Variants in ATP2B2 observed in about 807,000 individuals in gnomAD.
The protein encoded by ATP2B2 is plasma membrane calcium-transporting ATPase 2.
In ATP2B2, 15 loss-of-function variants were observed where a neutral mutation model predicts 120.0. The ratio of observed to expected loss-of-function variants is 0.12; its 90% confidence interval spans 0.08 to 0.19. The LOEUF is 0.19. ATP2B2 is among the 10% of genes least tolerant of loss of function. The pLI is 1.00. For missense variants in ATP2B2, 1,045 were observed against 1,719.8 expected (o/e 0.61, Z 6.94); for synonymous variants, 694 against 700.3 (o/e 0.99, Z 0.14).
chr3:10,417,746 C>T (rs1227983809), intron 2 of ATP2B2, among the ~76,000 whole-genome samples: 1 of 152,028 alleles, frequency 6.6e-6, no homozygotes, highest in Admixed American at 6.5e-5. Context: ...GATCGCCTGG[C>T]AGAAGTGTAG....
In ATP2B2 at chr3:10,411,499, C is replaced by T. The variant is rs150746902; in HGVS notation, c.200-684G>A. Among the ~76,000 whole-genome samples the T allele has an allele frequency of 1.2e-4, 19 of 152,294 alleles. No individual in the cohort carries two copies. The East Asian group carries it at 2.3e-3, about 19-fold the overall frequency. On this transcript the variant is annotated intron_variant, in intron 2 of 22. Transcript: ENST00000360273. ...CCGCTCTCCCTCCTGTCGAATGCCG[C>T]GCAGTGGTTAGAGAAGAATCAGAAG... is the stretch of plus-strand genomic sequence containing the variant.
At chr3:10,569,872 G>A (rs2068085849) in intron 2 of ATP2B2, among the ~76,000 whole-genome samples, 1 of 152,172 alleles carries the variant, frequency 6.6e-6, no homozygotes, top group Non-Finnish European at 1.5e-5. Context: ...GGCTCTATTT[G>A]CCTAACACAG....
In ATP2B2 at chr3:10,378,330, T is replaced by C; in HGVS notation, c.1123A>G (p.Lys375Glu). ...AEGGDADDRKKASMHKKEKSV... is the reference protein window; with the variant it reads ...AEGGDADDRKEASMHKKEKSV... ...TTCTCCTTCTTGTGCATGCTGGCCT[T>C]CTTCCTGTCGTCAGCGTCGCCGCCC... The change falls in exon 10 of 23, where the codon AAG becomes GAG. Residue 375 changes from lysine (K) to glutamate (E), a missense_variant. This residue lies in a region of ATP2B2 where 145 missense variants were observed against 202.0 expected (regional missense o/e 0.72). Transcript: ENST00000360273. 6.2e-7 allele frequency: 1 copy of C among 1,609,330 alleles called. No homozygotes were observed. Among genetic ancestry groups the C allele is most frequent in the Non-Finnish European group, 8.5e-7 (1 of 1,180,016 alleles).
intron 2 of ATP2B2, among the ~76,000 whole-genome samples, chr3:10,557,963 G>A (rs2067818016): frequency 1.3e-5 from 2 of 152,176 alleles, no homozygotes; most frequent in Non-Finnish European, 2.9e-5. Flanking sequence ...ATGGTAGCAT[G>A]AAGGCCCCTG....
At chr3:10,435,390 C>T (rs1329669800) in intron 2 of ATP2B2, among the ~76,000 whole-genome samples, 1 of 152,192 alleles carries the variant, frequency 6.6e-6, no homozygotes, top group Non-Finnish European at 1.5e-5. Flanking sequence ...GCTCCTACAT[C>T]TTCCTGGAGG....
chr3:10,393,792 CT>C (rs1375769031), intron 5 of ATP2B2, among the ~76,000 whole-genome samples: 4 of 152,222 alleles, frequency 2.6e-5, no homozygotes, highest in Non-Finnish European at 5.9e-5. Flanking sequence ...GGGGATGTTC[CT>C]TGGTCTCTGA....
At chr3:10,377,135 A>C (rs2061403091) in intron 10 of ATP2B2, among the ~76,000 whole-genome samples, 1 of 152,162 alleles carries the variant, frequency 6.6e-6, no homozygotes, top group Non-Finnish European at 1.5e-5. Context: ...AGGACTTTGA[A>C]GGCCATGGGG....
rs746169153 is a variant in ATP2B2 at position 10,358,867 on chromosome 3, C to A, written c.1960G>T (p.Asp654Tyr). ...TCAATCACCTTCTTTACCATCTCGT[C>A]CCGGTCGCGGGGCCGGAAGACACGA... ...EPRVFRPRDR[D>Y]EMVKKVIEPM... Residue 654 changes from aspartate to tyrosine, a missense_variant, in exon 14 of 23, where the codon GAC becomes TAC. Around this residue, in one of 11 missense-constraint regions of ATP2B2, gnomAD observed 343 missense variants for 536.8 expected, o/e 0.64. Transcript: ENST00000360273. 1.2e-6 allele frequency: 2 copies of A among 1,614,164 alleles called. No individual in the cohort carries two copies. Among genetic ancestry groups the A allele is most frequent in the South Asian group, 2.2e-5 (2 of 91,072 alleles).
chr3:10,485,076 A>C (rs751969848), intron 1 of ATP2B2, among the ~76,000 whole-genome samples: 4 of 152,150 alleles, frequency 2.6e-5, no homozygotes, highest in Non-Finnish European at 5.9e-5. Context: ...GCCTTCAGGA[A>C]GGGGTGTGAG....
intron 2 of ATP2B2, among the ~76,000 whole-genome samples, chr3:10,534,910 T>G (rs1403901772): frequency 7.1e-6 from 1 of 140,634 alleles, no homozygotes. Context: ...TTTTTTTTTT[T>G]TTTTTTTTTT....
At chr3:10,705,394 C>T (rs2071881057) in intron 1 of ATP2B2, among the ~76,000 whole-genome samples, 1 of 152,206 alleles carries the variant, frequency 6.6e-6, no homozygotes, top group South Asian at 2.1e-4. Context: ...CCTGTAATGT[C>T]CTCCCCACAG....
intron 3 of ATP2B2, among the ~76,000 whole-genome samples, chr3:10,526,137 G>A (rs1470465116): frequency 1.3e-5 from 2 of 152,234 alleles, no homozygotes; most frequent in Non-Finnish European, 2.9e-5. Flanking sequence ...AAACAGGTGT[G>A]TGAGCCTTCC....
At chr3:10,537,768 C>G (rs917306263) in intron 2 of ATP2B2, among the ~76,000 whole-genome samples, 2 of 152,202 alleles carry the variant, frequency 1.3e-5, no homozygotes, top group African/African-American at 4.8e-5. Flanking sequence ...CAGGGGAAAG[C>G]ATTCAGTAAG....
chr3:10,498,624 A>G (rs868031376), intron 1 of ATP2B2, among the ~76,000 whole-genome samples: 33 of 152,342 alleles, frequency 2.2e-4, no homozygotes, highest in South Asian at 4.1e-4. Flanking sequence ...GCAGCCAGAC[A>G]TGGCCCGGTA....
upstream of ATP2B2, among the ~76,000 whole-genome samples, chr3:10,506,039 C>T (rs955640841): frequency 6.6e-6 from 1 of 151,910 alleles, no homozygotes; most frequent in South Asian, 2.1e-4. Flanking sequence ...GGCCCCAAGT[C>T]GTCCCTTGCT....
At chr3:10,659,215 T>C (rs2070717218) in intron 1 of ATP2B2, among the ~76,000 whole-genome samples, 1 of 152,200 alleles carries the variant, frequency 6.6e-6, no homozygotes, top group African/African-American at 2.4e-5. Context: ...GCTAACATCA[T>C]AATGACAGGA....
rs756558896 is a variant in ATP2B2 at position 10,350,076 on chromosome 3, G to A, written c.2404+36C>T. 23 of 1,602,390 alleles carry A rather than the reference G, an allele frequency of 1.4e-5. No individual in the cohort carries two copies. In the Admixed American group the frequency reaches 3.8e-4, roughly 27 times the overall value. ...AGGGCCCAGCTTCTGGCCTGGTGCT[G>A]GGCTTCAGGATTGCCCGTGCCCGCC... On this transcript the variant is annotated intron_variant, in intron 16 of 22. Transcript: ENST00000360273.
At chr3:10,489,652 C>T (rs2065860521) in intron 1 of ATP2B2, among the ~76,000 whole-genome samples, 1 of 152,174 alleles carries the variant, frequency 6.6e-6, no homozygotes, top group African/African-American at 2.4e-5. Context: ...CTCCCCTCTC[C>T]CTGCCTCCTA....
intron 11 of ATP2B2, among the ~76,000 whole-genome samples, chr3:10,373,488 T>C (rs2061299691): frequency 6.6e-6 from 1 of 152,230 alleles, no homozygotes; most frequent in Non-Finnish European, 1.5e-5. Context: ...GCACTTGAAA[T>C]GTGGCTATTC....
Sources: allele counts gnomAD v4.1 joint callset (sites outside exome capture counted in the v4.1 genomes callset), GRCh38; gene constraint gnomAD v4.1.1; regional missense constraint gnomAD v4.1.1; transcripts MANE v1.5; gene names NCBI Gene and HGNC (gene_info 2026-07-23, HGNC 2026-07-21).